CDH13: variants seen among roughly 807,000 people sequenced by gnomAD.
CDH13 encodes cadherin-13.
A neutral mutation model predicts 63.8 loss-of-function variants in CDH13; 24 were observed. The ratio of observed to expected loss-of-function variants is 0.38; its 90% CI spans 0.27 to 0.53. The LOEUF (loss-of-function observed/expected upper bound fraction) is 0.53. CDH13 is among the 20% of genes least tolerant of loss of function. The pLI is 0.85. For missense variants in CDH13, 1,049 were observed against 903.1 expected (o/e 1.16, Z -2.07); for synonymous variants, 503 against 355.3 (o/e 1.42, Z -4.67).
At chr16:82,771,214 C>T (rs2035249328) in intron 1 of CDH13, among the ~76,000 whole-genome samples, 1 of 152,188 alleles carries the variant, frequency 6.6e-6, no homozygotes, top group Non-Finnish European at 1.5e-5. Flanking sequence ...TGTTCATTCA[C>T]TGAAATCAAG....
intron 1 of CDH13, among the ~76,000 whole-genome samples, chr16:82,705,769 G>A (rs1174957140): frequency 6.6e-6 from 1 of 152,114 alleles, no homozygotes; most frequent in African/African-American, 2.4e-5. Context: ...AGACAATTCT[G>A]GAGAGAAGAT....
intron 11 of CDH13, among the ~76,000 whole-genome samples, chr16:83,770,035 A>G (rs150269003): frequency 1.5e-3 from 222 of 152,312 alleles, no homozygotes; most frequent in Middle Eastern, 6.8e-3. Context: ...AGAACCTGGC[A>G]TGCAATTCCC....
intron 5 of CDH13, among the ~76,000 whole-genome samples, chr16:83,322,828 G>A (rs145310883): frequency 8.5e-4 from 129 of 152,210 alleles, no homozygotes; most frequent in African/African-American, 3.1e-3. Flanking sequence ...AATCATTGGT[G>A]TTCACAACAA....
chr16:83,052,287 A>G (rs192338802), intron 3 of CDH13, among the ~76,000 whole-genome samples: 131 of 152,364 alleles, frequency 8.6e-4, no homozygotes, highest in Admixed American at 3.4e-3. Context: ...CCAGACTGTC[A>G]ACATTTCTTT....
At chr16:83,442,499 T>G (rs10514569) in intron 6 of CDH13, among the ~76,000 whole-genome samples, 4,520 of 152,326 alleles carry the variant, frequency 0.03, 82 homozygotes, top group East Asian at 0.089. Flanking sequence ...CTTGGAGAAC[T>G]CAGTGATGGA....
At chr16:83,499,896 G>A (rs964133316) in intron 7 of CDH13, among the ~76,000 whole-genome samples, 4 of 152,056 alleles carry the variant, frequency 2.6e-5, no homozygotes, top group South Asian at 4.2e-4. Flanking sequence ...TCCACCTCCC[G>A]GGTTCAAGCA....
intron 6 of CDH13, among the ~76,000 whole-genome samples, chr16:83,479,149 A>C (rs1421652161): frequency 6.6e-6 from 1 of 152,234 alleles, no homozygotes; most frequent in Non-Finnish European, 1.5e-5. Context: ...ATGTGCACTC[A>C]ACAGAAGTAT....
At chr16:83,511,208 T>C (rs2074556130) in intron 7 of CDH13, among the ~76,000 whole-genome samples, 2 of 152,216 alleles carry the variant, frequency 1.3e-5, no homozygotes, top group Non-Finnish European at 2.9e-5. Context: ...ACACCTGTGA[T>C]CCCAACACTT....
chr16:83,687,906 T>G (rs1358506376), intron 10 of CDH13, among the ~76,000 whole-genome samples: 1 of 152,244 alleles, frequency 6.6e-6, no homozygotes, highest in Non-Finnish European at 1.5e-5. Context: ...CTCATCTCTT[T>G]GAAAACTACA....
At chr16:82,924,082 T>TA (rs2042235331) in intron 2 of CDH13, among the ~76,000 whole-genome samples, 1 of 152,236 alleles carries the variant, frequency 6.6e-6, no homozygotes, top group East Asian at 1.9e-4. Context: ...TTGATGGAGA[T>TA]TACCCAATTA....
intron 7 of CDH13, among the ~76,000 whole-genome samples, chr16:83,554,919 C>T (rs1185895938): frequency 2.2e-5 from 3 of 133,798 alleles, no homozygotes; most frequent in Admixed American, 7.5e-5. Flanking sequence ...ACTGCTGAAT[C>T]TTTTTTTTTT....
chr16:83,444,628 A>G (rs1391572685), intron 6 of CDH13, among the ~76,000 whole-genome samples: 6 of 152,216 alleles, frequency 3.9e-5, no homozygotes, highest in Admixed American at 3.9e-4. Context: ...TTTCAGGGCC[A>G]TCATTGCTCA....
At chr16:83,324,954 T>TA (rs1322230862) in intron 5 of CDH13, among the ~76,000 whole-genome samples, 2 of 152,186 alleles carry the variant, frequency 1.3e-5, no homozygotes, top group African/African-American at 4.8e-5. Context: ...ATGTCACCTT[T>TA]CCCACTTCTG....
chr16:82,645,333 CTG>C (rs1328565754), intron 1 of CDH13, among the ~76,000 whole-genome samples: 1 of 152,180 alleles, frequency 6.6e-6, no homozygotes. Context: ...TCTGGTGTCA[CTG>C]TGAATATTTG....
At chr16:83,688,051 T>C (rs1024269283) in intron 10 of CDH13, among the ~76,000 whole-genome samples, 33 of 152,222 alleles carry the variant, frequency 2.2e-4, no homozygotes, top group African/African-American at 6.0e-4. Flanking sequence ...GAATACAACA[T>C]AGAATAATGA....
intron 6 of CDH13, among the ~76,000 whole-genome samples, chr16:83,473,294 A>G (rs899000861): frequency 2.0e-5 from 3 of 152,210 alleles, no homozygotes; most frequent in Non-Finnish European, 2.9e-5. Context: ...ATGTTACCCA[A>G]TATGTATTTA....
chr16:83,422,081 A>G (rs2071732454), intron 6 of CDH13, among the ~76,000 whole-genome samples: 1 of 152,162 alleles, frequency 6.6e-6, no homozygotes, highest in Non-Finnish European at 1.5e-5. Context: ...AATCATACAG[A>G]AAAGTTGGTA....
At chr16:83,039,213 C>T (rs961042776) in intron 3 of CDH13, among the ~76,000 whole-genome samples, 3 of 152,228 alleles carry the variant, frequency 2.0e-5, no homozygotes, top group South Asian at 2.1e-4. Flanking sequence ...CTGATCACTT[C>T]GCTCCTCTGC....
chr16:83,656,276 G>C lies in CDH13; in HGVS notation c.1102-14514G>C, dbSNP rs569072913. 6.6e-5 allele frequency among the ~76,000 whole-genome samples: 10 copies of C among 152,318 alleles called. No individual in the cohort carries two copies. In the South Asian group the frequency reaches 1.9e-3, roughly 28 times the overall value. On this transcript the variant is annotated intron_variant, in intron 8 of 13. Coordinates refer to ENST00000567109, the MANE Select transcript of CDH13 (RefSeq NM_001257.5). The stretch of plus-strand genomic sequence containing the variant: ...CCTGCATTTTCAGCCTTCACAACAT[G>C]AATAAATGGTGGTGCTCTTTGCCAA...
Sources: allele counts gnomAD v4.1 joint callset (sites outside exome capture counted in the v4.1 genomes callset), GRCh38; gene constraint gnomAD v4.1.1; transcripts MANE v1.5; gene names NCBI Gene and HGNC (gene_info 2026-07-23, HGNC 2026-07-21).